Variants in CTNNA3 observed in about 807,000 individuals in gnomAD.
CTNNA3 encodes catenin alpha-3.
In CTNNA3, 76 loss-of-function variants were observed where a neutral mutation model predicts 95.7. The ratio of observed to expected loss-of-function variants is 0.79; its 90% confidence interval spans 0.66 to 0.96. The LOEUF (loss-of-function observed/expected upper bound fraction) is 0.96. Ranked by LOEUF, CTNNA3 falls within the 40% of genes least tolerant of loss-of-function variation. The probability of loss-of-function intolerance (pLI) is 0.00; values close to 1 mark genes in which losing one functional copy is unlikely to be tolerated. For missense variants in CTNNA3, 1,191 were observed against 1,089.8 expected, an observed-to-expected ratio of 1.09 and a Z score of -1.31; for synonymous variants, 431 against 374.4, an observed-to-expected ratio of 1.15 and a Z score of -1.74.
At position 65,928,791 on chromosome 10, in the gene CTNNA3, T is replaced by A. The variant is rs374823204; in HGVS notation, c.2401-8174A>T. Among the ~76,000 whole-genome samples, 3 of 152,316 alleles carry A rather than the reference T, an allele frequency of 2.0e-5. No individual in the cohort carries two copies. In the East Asian group the frequency reaches 5.8e-4, roughly 29 times the overall value. On this transcript the variant is annotated intron_variant, in intron 17 of 17. Transcript: ENST00000433211. ...CAAATAATGTTTCTCATTATTTATG[T>A]TTAAAACTCAGAATGCAAATCTGTT... is the stretch of plus-strand genomic sequence containing the variant.
chr10:67,674,813 T>C (rs112079470), intron 1 of CTNNA3, among the ~76,000 whole-genome samples: 5 of 149,456 alleles, frequency 3.3e-5, no homozygotes, highest in African/African-American at 9.7e-5. Flanking sequence ...CTTACTGACT[T>C]CAAAGAATTC....
chr10:67,754,662 C>T (rs1485194315), intron 1 of CTNNA3, among the ~76,000 whole-genome samples: 1 of 152,046 alleles, frequency 6.6e-6, no homozygotes, highest in Non-Finnish European at 1.5e-5. Context: ...AAAGCACAGG[C>T]AACCAAAGCA....
intron 13 of CTNNA3, among the ~76,000 whole-genome samples, chr10:66,200,722 T>A (rs569895763): frequency 6.6e-6 from 1 of 152,328 alleles, no homozygotes; most frequent in South Asian, 2.1e-4. Flanking sequence ...ATGAATCACA[T>A]CCCTGTGGTT....
intron 11 of CTNNA3, among the ~76,000 whole-genome samples, chr10:66,412,168 A>C (rs1327784259): frequency 1.3e-5 from 2 of 152,216 alleles, no homozygotes; most frequent in Non-Finnish European, 2.9e-5. Context: ...CCAGCAAGAT[A>C]AAAAGCTAAT....
chr10:66,188,574 G>GC, intron 13 of CTNNA3, among the ~76,000 whole-genome samples: 1 of 70,034 alleles, frequency 1.4e-5, no homozygotes, highest in East Asian at 4.0e-4. Flanking sequence ...TTCTGTGTGT[G>GC]TGTGGGGGGA....
chr10:67,170,578 A>G (rs1267006912), intron 7 of CTNNA3, among the ~76,000 whole-genome samples: 2 of 152,174 alleles, frequency 1.3e-5, no homozygotes, highest in Non-Finnish European at 2.9e-5. Flanking sequence ...AAGAACTTAT[A>G]AACACAAAGA....
intron 2 of CTNNA3, among the ~76,000 whole-genome samples, chr10:67,638,185 G>C (rs182800645): frequency 6.6e-6 from 1 of 151,606 alleles, no homozygotes; most frequent in Admixed American, 6.6e-5. Flanking sequence ...CAAGCAAATG[G>C]AAAACAAAAA....
intron 10 of CTNNA3, among the ~76,000 whole-genome samples, chr10:66,538,000 A>G (rs538109770): frequency 6.6e-6 from 1 of 152,268 alleles, no homozygotes; most frequent in Admixed American, 6.5e-5. Flanking sequence ...CACCATCACT[A>G]CATGGCATAA....
chr10:66,991,327 T>A (rs923706638), intron 7 of CTNNA3, among the ~76,000 whole-genome samples: 1 of 152,164 alleles, frequency 6.6e-6, no homozygotes, highest in Admixed American at 6.6e-5. Flanking sequence ...ATTAGTTTGC[T>A]TTTCTGAAAT....
At chr10:66,276,284 A>C (rs1388579154) in intron 13 of CTNNA3, among the ~76,000 whole-genome samples, 1 of 152,158 alleles carries the variant, frequency 6.6e-6, no homozygotes, top group Admixed American at 6.6e-5. Context: ...ATGAAAATTC[A>C]CAAACAAAAC....
At chr10:66,769,259 C>T (rs1839988441) in intron 8 of CTNNA3, among the ~76,000 whole-genome samples, 1 of 152,172 alleles carries the variant, frequency 6.6e-6, no homozygotes, top group Non-Finnish European at 1.5e-5. Flanking sequence ...GAAGGAAATG[C>T]CCAGAAATCA....
At chr10:67,008,453 A>G (rs1429790216) in intron 7 of CTNNA3, among the ~76,000 whole-genome samples, 1 of 152,062 alleles carries the variant, frequency 6.6e-6, no homozygotes, top group African/African-American at 2.4e-5. Context: ...AATTCACTAC[A>G]GCTTTTTTGT....
intron 6 of CTNNA3, among the ~76,000 whole-genome samples, chr10:67,217,762 G>A (rs969418198): frequency 1.3e-5 from 2 of 152,116 alleles, no homozygotes; most frequent in Admixed American, 1.3e-4. Context: ...GCTCTTATGG[G>A]AGCATTCTCT....
At chr10:66,767,782 C>T (rs1839928493) in intron 8 of CTNNA3, among the ~76,000 whole-genome samples, 1 of 152,120 alleles carries the variant, frequency 6.6e-6, no homozygotes, top group Non-Finnish European at 1.5e-5. Context: ...ATAATAATTA[C>T]AGGTTTCTGG....
intron 9 of CTNNA3, among the ~76,000 whole-genome samples, chr10:66,673,003 G>T (rs1846719376): frequency 6.6e-6 from 1 of 151,932 alleles, no homozygotes; most frequent in Non-Finnish European, 1.5e-5. Context: ...GATGTTAGTT[G>T]CAAATCCAGA....
intron 1 of CTNNA3, among the ~76,000 whole-genome samples, chr10:67,652,044 G>T (rs1027941250): frequency 1.3e-5 from 2 of 152,264 alleles, no homozygotes; most frequent in African/African-American, 4.8e-5. Context: ...AGGCTGGGAA[G>T]TCCTAGTTCA....
At chr10:66,914,498 T>G (rs2132574064) in intron 7 of CTNNA3, among the ~76,000 whole-genome samples, 1 of 149,394 alleles carries the variant, frequency 6.7e-6, no homozygotes, top group African/African-American at 2.5e-5. Flanking sequence ...ACTGGCTAAA[T>G]TACCTCAGAA....
Position 65,924,699 on chromosome 10 carries a change from C to T in CTNNA3, c.2401-4082G>A, listed in dbSNP as rs116215314. ...TGACTGTCTACCATTTTTAGAGAAT[C>T]CCCTTGTATTAGTTTGTTCTCACGC... On this transcript the variant is annotated intron_variant, in intron 17 of 17. Coordinates refer to ENST00000433211, the MANE Select transcript of CTNNA3 (RefSeq NM_013266.4). 7.3e-3 allele frequency among the ~76,000 whole-genome samples: 1,112 copies of T among 152,248 alleles called. 8 individuals are homozygous for T. The highest frequency in any genetic ancestry group is 0.021 in the African/African-American group (891 of 41,560).
chr10:67,509,950 G>A (rs1314298917), intron 5 of CTNNA3, among the ~76,000 whole-genome samples: 1 of 152,204 alleles, frequency 6.6e-6, no homozygotes, highest in Non-Finnish European at 1.5e-5. Flanking sequence ...CAGTGATGAT[G>A]AGCATTTTTT....
Sources: gnomAD v4.1 joint callset for allele counts (sites outside exome capture counted in the v4.1 genomes callset) on GRCh38, gnomAD v4.1.1 for gene constraint, MANE v1.5 for transcripts, NCBI Gene and HGNC (gene_info 2026-07-23, HGNC 2026-07-21) for gene names.